ECE1: variants seen among roughly 807,000 people sequenced by gnomAD.
ECE1 encodes endothelin-converting enzyme 1.
Under a neutral mutation model 98.6 loss-of-function variants are expected in ECE1, and 35 were observed. The ratio of observed to expected loss-of-function variants is 0.35; its 90% CI spans 0.27 to 0.47. The LOEUF is 0.47. ECE1 is among the 20% of genes least tolerant of loss of function. ECE1 has a pLI of 1.00. For synonymous variants in ECE1, 394 were observed against 407.1 expected (o/e 0.97, Z 0.39); for missense variants, 814 against 1,025.3 (o/e 0.79, Z 2.81).
intron 18 of ECE1, among the ~76,000 whole-genome samples, chr1:21,221,088 C>G (rs2098166827): frequency 6.6e-6 from 1 of 152,214 alleles, no homozygotes; most frequent in Non-Finnish European, 1.5e-5. Context: ...CTCTCATTTC[C>G]TGGGCAGAAC....
chr1:21,263,500 G>A (rs975257995), intron 4 of ECE1, among the ~76,000 whole-genome samples: 10 of 152,084 alleles, frequency 6.6e-5, no homozygotes, highest in African/African-American at 2.2e-4. Context: ...GGGACTACAG[G>A]CGTGTACCAC....
rs138820627 is a variant in ECE1, at chr1:21,281,226, C to G, written c.139-1894G>C. On this transcript the variant is annotated intron_variant, in intron 2 of 18. Transcript: ENST00000374893. ...CAAAACAAAACAAAACAAAACAAAA[C>G]TGAGCAAAGGATCTTGGGGCTTAGA... is the stretch of plus-strand genomic sequence containing the variant. Among the ~76,000 whole-genome samples the G allele has an allele frequency of 9.4e-3, 1,422 of 151,646 alleles. 28 individuals carry two copies. Among genetic ancestry groups the G allele is most frequent in the African/African-American group, 0.033 (1,354 of 41,454 alleles).
In ECE1 at chr1:21,225,388, G is replaced by T. The variant is rs375526944; in HGVS notation, c.1902C>A (p.Ser634=). The T allele has an allele frequency of 1.4e-5, 23 of 1,614,104 alleles. 1 individual carries two copies. Among genetic ancestry groups the T allele is most frequent in the Middle Eastern group, 3.3e-4 (2 of 6,084 alleles). ...GNLRPWWKNS[S]VEAFKRQTEC... ...CGGTCTGACGCTTGAAGGCCTCCAC[G>T]GATGAGTTCTTCCACCATGGCCGGA... The change falls in exon 17 of 19, where the codon TCC becomes TCA. Residue 634 remains serine (S), a synonymous_variant. Coordinates refer to ENST00000374893, the MANE Select transcript of ECE1 (RefSeq NM_001397.3). The surrounding 1 kb of genome is among the most constrained non-coding windows in gnomAD (Gnocchi z 5.3).
intron 1 of ECE1, among the ~76,000 whole-genome samples, chr1:21,338,639 T>C (rs779838852): frequency 1.6e-4 from 25 of 152,202 alleles, no homozygotes; most frequent in Non-Finnish European, 2.6e-4. Flanking sequence ...GCTCCAGCCA[T>C]GTCATTTCAC....
chr1:21,287,292 G>A (rs967207948), intron 2 of ECE1, among the ~76,000 whole-genome samples: 22 of 152,290 alleles, frequency 1.4e-4, no homozygotes, highest in African/African-American at 4.8e-4. Context: ...TTGGGAGGCC[G>A]AGGCAGGCAG....
At position 21,220,045 on chromosome 1, in the gene ECE1, G is replaced by A; in HGVS notation, c.2223C>T (p.Gly741=). 6.2e-7 allele frequency: 1 copy of A among 1,614,258 alleles called. No individual in the cohort carries two copies. Among genetic ancestry groups the A allele is most frequent in the Non-Finnish European group, 8.5e-7 (1 of 1,180,040 alleles). Residue 741 remains glycine, a synonymous_variant, in exon 19 of 19, where the codon GGC becomes GGT. Coordinates refer to ENST00000374893, the MANE Select transcript of ECE1 (RefSeq NM_001397.3). This position sits in a 1 kb window ranked among gnomAD's most constrained non-coding sequence, Gnocchi z 5.0. ...PHSPSRFRVI[G]SLSNSKEFSE... is the part of the protein sequence containing the mutation. ...AGAACTCCTTGGAATTGGAGAGGGA[G>A]CCGATGACCCGGAAGCGAGAGGGGC...
At chr1:21,315,852 C>T (rs930451053) in intron 1 of ECE1, among the ~76,000 whole-genome samples, 4 of 150,564 alleles carry the variant, frequency 2.7e-5, no homozygotes, top group Non-Finnish European at 5.9e-5. Context: ...TTCTAGGGCT[C>T]TATGAATCCA....
upstream of ECE1, among the ~76,000 whole-genome samples, chr1:21,295,025 A>G (rs1638311778): frequency 6.6e-6 from 1 of 152,210 alleles, no homozygotes; most frequent in Admixed American, 6.5e-5. Context: ...CACAGATGCT[A>G]TAATGTAGTG....
At position 21,256,098 on chromosome 1, in the gene ECE1, T is replaced by C. The variant is rs1461389134; in HGVS notation, c.869A>G (p.Lys290Arg). ...CTCCTCGTCCCCGCCGCCCAGCAGC[T>C]TCCCCAGCTGGACCATGTAGTTCAG... is the stretch of plus-strand genomic sequence containing the variant. ...GYLNYMVQLG[K>R]LLGGGDEEAI... Residue 290 changes from lysine (K) to arginine (R), a missense_variant, in exon 8 of 19, where the codon AAG becomes AGG. Transcript: ENST00000374893. The C allele has an allele frequency of 6.2e-7, 1 of 1,609,012 alleles. No homozygotes were observed. Among genetic ancestry groups the C allele is most frequent in the Non-Finnish European group, 8.5e-7 (1 of 1,175,704 alleles).
At chr1:21,309,444 T>C (rs560267670) in intron 1 of ECE1, among the ~76,000 whole-genome samples, 4 of 152,304 alleles carry the variant, frequency 2.6e-5, no homozygotes, top group South Asian at 2.1e-4. Context: ...CAGAAAGTGT[T>C]TGGAGTAGTG....
chr1:21,263,213 G>C (rs879409375), intron 4 of ECE1, among the ~76,000 whole-genome samples: 1 of 152,188 alleles, frequency 6.6e-6, no homozygotes, highest in Admixed American at 6.5e-5. Context: ...CCCAGAACCA[G>C]CCCTGGATAG....
At chr1:21,278,601 G>A (rs1208636477) in intron 3 of ECE1, among the ~76,000 whole-genome samples, 1 of 152,200 alleles carries the variant, frequency 6.6e-6, no homozygotes, top group Non-Finnish European at 1.5e-5. Flanking sequence ...ATGGAAAAGG[G>A]GCCAAAAGTA....
chr1:21,246,455 C>T (rs543805971), intron 9 of ECE1, among the ~76,000 whole-genome samples: 5 of 146,140 alleles, frequency 3.4e-5, no homozygotes, highest in Admixed American at 7.0e-5. Context: ...GTTGAGATCG[C>T]GCCACTGCAC....
intron 2 of ECE1, among the ~76,000 whole-genome samples, chr1:21,281,467 T>C (rs2098254466): frequency 6.6e-6 from 1 of 152,250 alleles, no homozygotes; most frequent in Admixed American, 6.5e-5. Flanking sequence ...CAAATGTTTA[T>C]AAAGTGCTTT....
In ECE1 at chr1:21,327,756, A is replaced by C. The variant is rs1639111684; in HGVS notation, c.3+17620T>G. 6.6e-6 allele frequency among the ~76,000 whole-genome samples: 1 copy of C among 152,156 alleles called. No individual in the cohort carries two copies. Among genetic ancestry groups the C allele is most frequent in the Non-Finnish European group, 1.5e-5 (1 of 68,036 alleles). ...GCCCCCCGGGCCTCAGACCAGTACCAGTCCATGGCCTGTTAGGAACCGGGC... is the reference window on the plus strand; with the variant it reads ...GCCCCCCGGGCCTCAGACCAGTACCCGTCCATGGCCTGTTAGGAACCGGGC... On this transcript the variant is annotated intron_variant, in intron 1 of 18. Coordinates refer to the ECE1 transcript ENST00000415912. This position sits in a 1 kb window ranked among gnomAD's most constrained non-coding sequence, Gnocchi z 4.6.
chr1:21,269,357 T>C (rs996636758), intron 4 of ECE1, among the ~76,000 whole-genome samples: 3 of 152,230 alleles, frequency 2.0e-5, no homozygotes, highest in Admixed American at 6.5e-5. Flanking sequence ...CAGTGTGTCA[T>C]AGCTGTATTC....
chr1:21,258,675 A>G lies in ECE1; in HGVS notation c.762+18T>C, dbSNP rs989618223. ...TCGTGCCCGCCCCCTCGACCGCTGC[A>G]GGTTCAAGCTAGCTCACCTGGATCA... On this transcript the variant is annotated intron_variant, in intron 6 of 18. Transcript: ENST00000374893. The surrounding 1 kb of genome is among the most constrained non-coding windows in gnomAD (Gnocchi z 4.2). The G allele has an allele frequency of 3.6e-5, 57 of 1,575,330 alleles. No individual in the cohort carries two copies. The highest frequency in any genetic ancestry group is 4.9e-5 in the Non-Finnish European group (57 of 1,156,784).
At chr1:21,325,931 G>A (rs3026824) in intron 1 of ECE1, among the ~76,000 whole-genome samples, 10,854 of 152,158 alleles carry the variant, frequency 0.071, 528 homozygotes, top group Non-Finnish European at 0.11. Flanking sequence ...TGGCACTTTC[G>A]CCAGCCACCT....
rs757832876 is a variant in ECE1 at position 21,247,310 on chromosome 1, G to T, written c.1074C>A (p.Pro358=). 2.5e-6 allele frequency: 4 copies of T among 1,614,202 alleles called. No homozygotes were observed. The highest frequency in any genetic ancestry group is 2.5e-6 in the Non-Finnish European group (3 of 1,180,046). The part of the protein sequence containing the change: ...WLPFLNTIFY[P]VEINESEPIV... ...TAGGCTCGGATTCATTGATCTCCACGGGGTAGAAGATGGTGTTGAGAAAAG... is the reference window on the plus strand; with the variant it reads ...TAGGCTCGGATTCATTGATCTCCACTGGGTAGAAGATGGTGTTGAGAAAAG... The change falls in exon 9 of 19, where the codon CCC becomes CCA. Residue 358 remains proline, a synonymous_variant. Coordinates refer to ENST00000374893, the MANE Select transcript of ECE1 (RefSeq NM_001397.3).
Sources: gnomAD v4.1 joint callset for allele counts (sites outside exome capture counted in the v4.1 genomes callset) on GRCh38, gnomAD v4.1.1 for gene constraint, Gnocchi (gnomAD v3.1) non-coding constraint, MANE v1.5 for transcripts, NCBI Gene and HGNC (gene_info 2026-07-23, HGNC 2026-07-21) for gene names.